Variants in C8orf34 observed in about 807,000 individuals in gnomAD.
C8orf34 encodes the protein chromosome 8 open reading frame 34.
Under a neutral mutation model 68.3 loss-of-function variants are expected in C8orf34, and 65 were observed. The observed-to-expected ratio is 0.95, with a 90% CI of 0.78 to 1.17. The LOEUF (loss-of-function observed/expected upper bound fraction) is 1.17. Among genes scored for constraint, C8orf34 ranks in the 50% most tolerant of loss-of-function variants. The pLI is 0.00. For missense variants in C8orf34, 664 were observed against 655.4 expected, an observed-to-expected ratio of 1.01 and a Z score of -0.14; for synonymous variants, 244 against 241.2, an observed-to-expected ratio of 1.01 and a Z score of -0.11.
At chr8:68,443,938 A>T (rs543152155) in intron 2 of C8orf34, among the ~76,000 whole-genome samples, 1 of 149,382 alleles carries the variant, frequency 6.7e-6, no homozygotes, top group Non-Finnish European at 1.5e-5. Flanking sequence ...TTTCTTGAAT[A>T]CTTATGAATT....
intron 8 of C8orf34, among the ~76,000 whole-genome samples, chr8:68,699,307 A>G (rs1404570438): frequency 6.6e-6 from 1 of 152,108 alleles, no homozygotes; most frequent in Non-Finnish European, 1.5e-5. Flanking sequence ...TATAGACATG[A>G]AACCCTGTTA....
At chr8:68,484,068 C>T (rs1812972833) in intron 4 of C8orf34, among the ~76,000 whole-genome samples, 1 of 152,182 alleles carries the variant, frequency 6.6e-6, no homozygotes, top group South Asian at 2.1e-4. Context: ...AGCATAAAAC[C>T]AGCATCTGCC....
At chr8:68,551,159 A>G (rs1391244928) in intron 7 of C8orf34, among the ~76,000 whole-genome samples, 4 of 151,908 alleles carry the variant, frequency 2.6e-5, no homozygotes, top group Non-Finnish European at 5.9e-5. Flanking sequence ...TACATTTTAT[A>G]CAATTGCCCC....
intron 10 of C8orf34, among the ~76,000 whole-genome samples, chr8:68,745,443 T>C (rs1449620284): frequency 2.6e-5 from 4 of 152,036 alleles, no homozygotes; most frequent in Middle Eastern, 3.2e-3. Flanking sequence ...CACTGGCAAA[T>C]TGGATAAAGA....
At chr8:68,456,582 A>C (rs1255839554) in intron 3 of C8orf34, among the ~76,000 whole-genome samples, 1 of 152,238 alleles carries the variant, frequency 6.6e-6, no homozygotes, top group Non-Finnish European at 1.5e-5. Flanking sequence ...GCATTTTCAA[A>C]TGCACTCATA....
intron 9 of C8orf34, among the ~76,000 whole-genome samples, chr8:68,711,420 T>G (rs1585766033): frequency 6.6e-6 from 1 of 151,948 alleles, no homozygotes; most frequent in Non-Finnish European, 1.5e-5. Flanking sequence ...AAAAACATAA[T>G]TCAGGATATG....
At chr8:68,608,213 T>C (rs1817912753) in intron 7 of C8orf34, among the ~76,000 whole-genome samples, 1 of 151,934 alleles carries the variant, frequency 6.6e-6, no homozygotes, top group South Asian at 2.1e-4. Context: ...TATAATACCA[T>C]GTGAAAGAAA....
At chr8:68,731,889 A>G (rs1252206950) in intron 10 of C8orf34, among the ~76,000 whole-genome samples, 1 of 152,232 alleles carries the variant, frequency 6.6e-6, no homozygotes, top group African/African-American at 2.4e-5. Context: ...GTCCCAGGCT[A>G]CTGATCATTG....
intron 1 of C8orf34, among the ~76,000 whole-genome samples, chr8:68,394,644 G>T (rs1808616157): frequency 6.6e-6 from 1 of 151,990 alleles, no homozygotes; most frequent in African/African-American, 2.4e-5. Context: ...TATTTTCTAT[G>T]ATTTTAATGA....
intron 1 of C8orf34, among the ~76,000 whole-genome samples, chr8:68,410,296 C>T (rs1809391258): frequency 6.6e-6 from 1 of 151,994 alleles, no homozygotes; most frequent in Non-Finnish European, 1.5e-5. Context: ...GTGGGCTCTG[C>T]ATCAGCAGAC....
At chr8:68,560,776 G>T (rs1816399528) in intron 7 of C8orf34, among the ~76,000 whole-genome samples, 1 of 152,090 alleles carries the variant, frequency 6.6e-6, no homozygotes, top group African/African-American at 2.4e-5. Context: ...GAGCTTGCAG[G>T]ACTGAAAGTT....
intron 10 of C8orf34, among the ~76,000 whole-genome samples, chr8:68,765,819 C>T (rs1823155733): frequency 6.6e-6 from 1 of 152,024 alleles, no homozygotes; most frequent in South Asian, 2.1e-4. Context: ...AATTTAGGCC[C>T]CTTCAATTAA....
At chr8:68,423,632 T>C (rs1810078437) in intron 1 of C8orf34, among the ~76,000 whole-genome samples, 1 of 152,102 alleles carries the variant, frequency 6.6e-6, no homozygotes, top group Non-Finnish European at 1.5e-5. Flanking sequence ...TGTTACCCAA[T>C]TCCAAAGTTG....
intron 8 of C8orf34, among the ~76,000 whole-genome samples, chr8:68,683,570 A>G (rs1019820608): frequency 6.6e-6 from 1 of 152,116 alleles, no homozygotes; most frequent in African/African-American, 2.4e-5. Flanking sequence ...ATATATACAC[A>G]TTTGAAACAT....
chr8:68,563,803 G>A (rs957330163), intron 7 of C8orf34, among the ~76,000 whole-genome samples: 1 of 152,168 alleles, frequency 6.6e-6, no homozygotes, highest in Non-Finnish European at 1.5e-5. Flanking sequence ...TAATCGAAAA[G>A]TGACATTTCT....
At chr8:68,711,219 G>A (rs1332424704) in intron 9 of C8orf34, among the ~76,000 whole-genome samples, 1 of 152,052 alleles carries the variant, frequency 6.6e-6, no homozygotes, top group African/African-American at 2.4e-5. Context: ...CAAATTATAA[G>A]GAACCAGTAA....
intron 10 of C8orf34, among the ~76,000 whole-genome samples, chr8:68,773,628 C>T (rs966050114): frequency 6.6e-6 from 1 of 151,960 alleles, no homozygotes; most frequent in Admixed American, 6.6e-5. Context: ...TCAAGTAATC[C>T]ACCTGCCTCG....
At chr8:68,330,799 ACACACACACGCACGCACG>A (rs1805535298), upstream of C8orf34, 5 of 469,932 alleles carry the variant, frequency 1.1e-5, no homozygotes, top group South Asian at 7.4e-5. Context: ...GCACGGACAC[ACACACACACGCACGCACG>A]CACACACACC....
At chr8:68,815,566 A>G (rs1824785217) in intron 12 of C8orf34, among the ~76,000 whole-genome samples, 1 of 152,150 alleles carries the variant, frequency 6.6e-6, no homozygotes, top group Non-Finnish European at 1.5e-5. Context: ...GGGCATCACA[A>G]TTATGACTGC....
Sources: gnomAD v4.1 joint callset for allele counts (sites outside exome capture counted in the v4.1 genomes callset) on GRCh38, gnomAD v4.1.1 for gene constraint, MANE v1.5 for transcripts, NCBI Gene and HGNC (gene_info 2026-07-23, HGNC 2026-07-21) for gene names.